The following USP6 variants were observed in gnomAD, a reference collection of about 807,000 sequenced individuals.
USP6 encodes the protein ubiquitin specific peptidase 6.
Under a neutral mutation model 175.7 loss-of-function variants are expected in USP6, and 128 were observed. The observed-to-expected ratio is 0.73, with a 90% CI of 0.63 to 0.84. The LOEUF is 0.84. Among genes scored for constraint, USP6 ranks in the 40% least tolerant of loss-of-function variants. USP6 has a pLI of 0.00. For missense variants in USP6, 1,498 were observed against 1,760.3 expected (o/e 0.85, Z 2.67); for synonymous variants, 562 against 630.6 (o/e 0.89, Z 1.63).
chr17:5,153,307 A>G (rs2073812773), intron 30 of USP6, among the ~76,000 whole-genome samples: 1 of 152,198 alleles, frequency 6.6e-6, no homozygotes, highest in African/African-American at 2.4e-5. Flanking sequence ...TGTTTTTGCA[A>G]TGGAGTTTCG....
chr17:5,130,356 T>A lies in USP6; in HGVS notation c.-1-11T>A. 1 of 1,614,004 alleles carries A rather than the reference T, an allele frequency of 6.2e-7. No homozygotes were observed. Among genetic ancestry groups the A allele is most frequent in the South Asian group, 1.1e-5 (1 of 91,080 alleles). On this transcript the variant is annotated splice_polypyrimidine_tract_variant and intron_variant, in intron 9 of 37. Coordinates refer to ENST00000574788, the MANE Select transcript of USP6 (RefSeq NM_001304284.2). The stretch of plus-strand genomic sequence containing the variant: ...GGTACAGTGTAACCTTTAGACAATT[T>A]TGTCTCACAGGATGGACATGGTAGA...
intron 17 of USP6, 109 bp from the exon 18 acceptor site, chr17:5,136,531 C>T (rs772892885): frequency 1.3e-5 from 17 of 1,356,402 alleles, no homozygotes; most frequent in Admixed American, 3.7e-5. Context: ...GATGGGAGGG[C>T]GGGAGGCCTT....
Position 5,132,394 on chromosome 17 carries a change from A to G in USP6, c.156-2A>G, listed in dbSNP as rs2073099377. ...CTCAGCTCTGCCTGGGTTGCCTTAC[A>G]GTGAGACGGAGCTGCCTCCTGTGAC... On this transcript the variant is annotated splice_acceptor_variant, in intron 11 of 37. Transcript: ENST00000574788. LOFTEE classifies it high-confidence loss of function. This position sits in a 1 kb window ranked among gnomAD's most constrained non-coding sequence, Gnocchi z 4.7. 2 of 1,612,020 alleles carry G rather than the reference A, an allele frequency of 1.2e-6. No homozygotes were observed. The highest frequency in any genetic ancestry group is 1.3e-5 in the African/African-American group (1 of 74,846).
chr17:5,136,054 C>A, intron 17 of USP6, 126 bp downstream of exon 17: 5 of 1,523,144 alleles, frequency 3.3e-6, no homozygotes, highest in Non-Finnish European at 2.6e-6. Flanking sequence ...GCATTTAGGA[C>A]GTCTCTGCTG....
At position 5,171,505 on chromosome 17, in the gene USP6, TCTC is replaced by T. The variant is rs2074215619; in HGVS notation, c.3955-79_3955-77del. 1.3e-5 allele frequency: 17 copies of T among 1,294,922 alleles called. No homozygotes were observed. In the South Asian group the frequency reaches 2.5e-4, roughly 19 times the overall value. The allele number at this position is 1,294,922 out of a possible 1,614,324, so 80.2% of individuals were successfully genotyped here. On this transcript the variant is annotated intron_variant, in intron 36 of 37. Transcript: ENST00000574788. The stretch of plus-strand genomic sequence containing the variant: ...TATTGATCATTTACATGATCAGTGT[TCTC>T]CTGCTCAGATCTTAGTGCTATACCC...
At chr17:5,133,584 G>C in intron 14 of USP6, 34 bp downstream of exon 14, 1 of 1,566,620 alleles carries the variant, frequency 6.4e-7, no homozygotes, top group Non-Finnish European at 8.7e-7. Flanking sequence ...AACAGGACAG[G>C]CCGTGTCAGG....
intron 37 of USP6, among the ~76,000 whole-genome samples, chr17:5,172,346 A>G (rs2074242671): frequency 6.6e-6 from 1 of 151,726 alleles, no homozygotes; most frequent in African/African-American, 2.4e-5. Flanking sequence ...CCTGGCTAAT[A>G]TGGTGAAACC....
intron 5 of USP6, among the ~76,000 whole-genome samples, 174 bp downstream of exon 5, chr17:5,125,446 C>T (rs1205629891): frequency 3.3e-5 from 5 of 152,024 alleles, no homozygotes; most frequent in Non-Finnish European, 7.3e-5. Flanking sequence ...GGTTGGGAAC[C>T]ACTGGTGTAA....
Position 5,116,282 on chromosome 17 carries a change from C to T in USP6, c.-2386C>T, listed in dbSNP as rs1034113377. ...ACGCCACTCCCGGCCCCGCTCCGGG[C>T]GGCCCCCCTCACCACTCCCGGCCCC... On this transcript the variant is annotated 5_prime_UTR_variant, in exon 1 of 38. Coordinates refer to ENST00000574788, the MANE Select transcript of USP6 (RefSeq NM_001304284.2). Among the ~76,000 whole-genome samples, 21 of 151,942 alleles carry T rather than the reference C, an allele frequency of 1.4e-4. 1 individual carries two copies. The highest frequency in any genetic ancestry group is 2.8e-4 in the Non-Finnish European group (19 of 68,016).
rs1216005732 is a variant in USP6, at chr17:5,132,774, C to T, written c.196-136C>T. On this transcript the variant is annotated intron_variant, in intron 12 of 37. Coordinates refer to ENST00000574788, the MANE Select transcript of USP6 (RefSeq NM_001304284.2). The surrounding 1 kb of genome is among the most constrained non-coding windows in gnomAD (Gnocchi z 4.7). The stretch of plus-strand genomic sequence containing the variant: ...TGGTGCTCATTTGCTCAAAGGCTCT[C>T]AGCCCTTAGGGTCTGCCCTTCCCTG... 3.1e-5 allele frequency: 36 copies of T among 1,148,692 alleles called. No homozygotes were observed. Among genetic ancestry groups the T allele is most frequent in the Non-Finnish European group, 4.5e-5 (35 of 770,022 alleles). 71.2% of individuals were successfully genotyped at this position (1,148,692 alleles called of 1,614,324 possible).
rs1567815083 is a variant in USP6 at position 5,169,012 on chromosome 17, A to G, written c.3474A>G (p.Lys1158=). The change falls in exon 35 of 38, where the codon AAA becomes AAG. Residue 1158 remains lysine, a synonymous_variant. Coordinates refer to ENST00000574788, the MANE Select transcript of USP6 (RefSeq NM_001304284.2). The stretch of plus-strand genomic sequence containing the variant: ...GAAAAGAGGACATGCTCCTAAGCAA[A>G]AGCCCATCCTCACTCAGCGCTAACA... ...SAGKEDMLLS[K]SPSSLSANIS... The G allele has an allele frequency of 6.2e-7, 1 of 1,613,794 alleles. No individual in the cohort carries two copies. Among genetic ancestry groups the G allele is most frequent in the Admixed American group, 1.7e-5 (1 of 59,982 alleles).
In USP6 at chr17:5,148,751, C is replaced by T; in HGVS notation, c.2627C>T (p.Ala876Val). Residue 876 changes from alanine (A) to valine (V), a missense_variant, in exon 30 of 38, where the codon GCA becomes GTA. Transcript: ENST00000574788. The stretch of plus-strand genomic sequence containing the variant: ...AGCCCCTTTACAGGTTACATCATTG[C>T]AGTCCACCGAAAAATGGTTAGTTAA... Reference protein sequence around the residue: ...PDSPFTGYIIAVHRKMMRTEL... With the variant: ...PDSPFTGYIIVVHRKMMRTEL... The T allele has an allele frequency of 6.2e-7, 1 of 1,612,314 alleles. No individual in the cohort carries two copies. The highest frequency in any genetic ancestry group is 8.5e-7 in the Non-Finnish European group (1 of 1,178,508).
At chr17:5,162,150 T>TTTTTG (rs887929139) in intron 32 of USP6, among the ~76,000 whole-genome samples, 44 of 152,258 alleles carry the variant, frequency 2.9e-4, no homozygotes, top group Non-Finnish European at 6.0e-4. Flanking sequence ...CACCTCTCCT[T>TTTTTG]TTTTGTTTTG....
At chr17:5,166,380 G>T (rs34716007) in intron 33 of USP6, among the ~76,000 whole-genome samples, 5 of 152,010 alleles carry the variant, frequency 3.3e-5, no homozygotes, top group Non-Finnish European at 7.4e-5. Context: ...TGACAGCCTC[G>T]TGACTCTCAT....
Position 5,173,789 on chromosome 17 carries a change from G to T in USP6, c.*811G>T, listed in dbSNP as rs564744566. The T allele has an allele frequency of 2.1e-4, 47 of 222,856 alleles. No homozygotes were observed. Among genetic ancestry groups the T allele is most frequent in the Non-Finnish European group, 4.0e-4 (45 of 111,198 alleles). 13.8% of individuals were successfully genotyped at this position (222,856 alleles called of 1,614,324 possible). Reference sequence around the variant, plus strand: ...GCACCCCCGGCCCCGCCCATGCTGAGGGAAGGGGAGCAGTTGCCAATATTT... The same window carrying T: ...GCACCCCCGGCCCCGCCCATGCTGATGGAAGGGGAGCAGTTGCCAATATTT... On this transcript the variant is annotated 3_prime_UTR_variant, in exon 38 of 38. Coordinates refer to ENST00000574788, the MANE Select transcript of USP6 (RefSeq NM_001304284.2).
At chr17:5,159,580 A>G (rs2073963368) in intron 31 of USP6, among the ~76,000 whole-genome samples, 1 of 152,198 alleles carries the variant, frequency 6.6e-6, no homozygotes, top group Non-Finnish European at 1.5e-5. Flanking sequence ...AATGTTTTAG[A>G]AAAGGAAGGA....
intron 4 of USP6, among the ~76,000 whole-genome samples, chr17:5,123,828 CACAT>C (rs2072793180): frequency 1.3e-5 from 2 of 152,056 alleles, no homozygotes; most frequent in African/African-American, 4.8e-5. Context: ...CAAACATGCA[CACAT>C]ACAGAGTTGG....
chr17:5,170,879 T>G lies in USP6; in HGVS notation c.3918T>G (p.Thr1306=), dbSNP rs1050409190. The G allele has an allele frequency of 5.0e-6, 8 of 1,612,304 alleles. No homozygotes were observed. The highest frequency in any genetic ancestry group is 2.7e-5 in the African/African-American group (2 of 74,884). The change falls in exon 36 of 38, where the codon ACT becomes ACG. Residue 1306 remains threonine (T), a synonymous_variant. Coordinates refer to ENST00000574788, the MANE Select transcript of USP6 (RefSeq NM_001304284.2). ...EDSTDDQRED[T]HIKPIYNLYA... ...GCACTGATGACCAAAGAGAAGACAC[T>G]CATATTAAGCCTATTTATAATCTAT... is the stretch of plus-strand genomic sequence containing the variant.
intron 30 of USP6, among the ~76,000 whole-genome samples, chr17:5,152,760 G>C (rs1405837674): frequency 6.6e-6 from 1 of 152,160 alleles, no homozygotes; most frequent in African/African-American, 2.4e-5. Flanking sequence ...ATTTTGGGAG[G>C]CTGAGGTGGG....
Sources: allele counts gnomAD v4.1 joint callset (sites outside exome capture counted in the v4.1 genomes callset), GRCh38; gene constraint gnomAD v4.1.1; non-coding constraint Gnocchi (gnomAD v3.1); transcripts MANE v1.5; gene names NCBI Gene and HGNC (gene_info 2026-07-23, HGNC 2026-07-21).